ABCC2: variants seen among roughly 807,000 people sequenced by gnomAD.
ABCC2 encodes the protein ATP-binding cassette sub-family C member 2.
Under a neutral mutation model 173.4 loss-of-function variants are expected in ABCC2, and 157 were observed. The observed-to-expected ratio is 0.91, with a 90% confidence interval of 0.80 to 1.03. The LOEUF is 1.03. Ranked by LOEUF, ABCC2 falls within the 50% of genes least tolerant of loss-of-function variation. The pLI is 0.00. For synonymous variants in ABCC2, 657 were observed against 693.5 expected (o/e 0.95, Z 0.83); for missense variants, 1,822 against 1,852.3 (o/e 0.98, Z 0.30).
intron 7 of ABCC2, chr10:99,797,883 A>G (rs944502313): frequency 5.8e-6 from 1 of 171,086 alleles, no homozygotes; most frequent in Non-Finnish European, 1.3e-5. Context: ...CAGACACTCA[A>G]ATGATGAGAT....
Position 99,845,800 on chromosome 10 carries a change from C to A in ABCC2, c.4146+18C>A, listed in dbSNP as rs765904512. 1 of 1,604,508 alleles carries A rather than the reference C, an allele frequency of 6.2e-7. No individual in the cohort carries two copies. The highest frequency in any genetic ancestry group is 1.7e-5 in the Admixed American group (1 of 58,496). On this transcript the variant is annotated intron_variant, in intron 29 of 31. Coordinates refer to ENST00000647814, the MANE Select transcript of ABCC2 (RefSeq NM_000392.5). ...TCCCCCAGGTGAGCTCTAGAACTTA[C>A]TCGGGCACATGCCGTGGGGAGCAGC... is the stretch of plus-strand genomic sequence containing the variant.
intron 14 of ABCC2, among the ~76,000 whole-genome samples, chr10:99,810,562 G>T (rs1269252828): frequency 2.6e-5 from 4 of 152,192 alleles, no homozygotes. Context: ...AAAGATTGGG[G>T]GCCAGCCATG....
At position 99,830,766 on chromosome 10, in the gene ABCC2, C is replaced by T. The variant is rs752566519; in HGVS notation, c.2798C>T (p.Thr933Ile). The T allele has an allele frequency of 9.3e-6, 15 of 1,613,966 alleles. No homozygotes were observed. The East Asian group carries it at 1.1e-4, about 12-fold the overall frequency. Residue 933 changes from threonine (T) to isoleucine (I), a missense_variant, in exon 21 of 32, where the codon ACT (threonine) becomes ATT (isoleucine). Thr to Ile is a moderately conservative substitution (Grantham distance 89). Transcript: ENST00000647814. ...HLKSLRNSLKTRNVNSLKEDE... is the reference protein window; with the variant it reads ...HLKSLRNSLKIRNVNSLKEDE... The stretch of plus-strand genomic sequence containing the variant: ...AAGTCCCTGAGAAACTCCTTGAAAA[C>T]TCGGAATGTGAATAGCCTGAAGGAA...
At chr10:99,804,707 C>G (rs2038070747) in intron 10 of ABCC2, among the ~76,000 whole-genome samples, 1 of 152,174 alleles carries the variant, frequency 6.6e-6, no homozygotes, top group Non-Finnish European at 1.5e-5. Context: ...TCCGTGTGGA[C>G]AGTGTCCTCA....
intron 16 of ABCC2, 132 bp from the exon 17 acceptor site, chr10:99,817,176 C>A (rs546377291): frequency 2.5e-6 from 2 of 795,672 alleles, no homozygotes; most frequent in East Asian, 5.3e-5. Flanking sequence ...CATATCAGAT[C>A]CTCAGTCATC....
At chr10:99,825,830 C>T (rs2133098660) in intron 19 of ABCC2, among the ~76,000 whole-genome samples, 1 of 152,296 alleles carries the variant, frequency 6.6e-6, no homozygotes, top group East Asian at 1.9e-4. Context: ...TGCTGCACTG[C>T]CGCTCGTGGC....
At chr10:99,841,511 C>T (rs1285168357) in intron 25 of ABCC2, among the ~76,000 whole-genome samples, 3 of 152,206 alleles carry the variant, frequency 2.0e-5, no homozygotes, top group South Asian at 2.1e-4. Flanking sequence ...GCCATGATCA[C>T]GCCACTGCAC....
At chr10:99,794,152 G>GT (rs2037856200) in intron 5 of ABCC2, among the ~76,000 whole-genome samples, 153 bp downstream of exon 5, 2 of 152,088 alleles carry the variant, frequency 1.3e-5, no homozygotes, top group Non-Finnish European at 2.9e-5. Flanking sequence ...ATAGTGATGA[G>GT]AGTAAAATAC....
chr10:99,836,478 C>T (rs1357527945), intron 25 of ABCC2, among the ~76,000 whole-genome samples, 188 bp downstream of exon 25: 1 of 152,202 alleles, frequency 6.6e-6, no homozygotes, highest in Non-Finnish European at 1.5e-5. Flanking sequence ...CATGACAGCT[C>T]TGCCGTTTAC....
chr10:99,812,942 A>T (rs1200817405), intron 15 of ABCC2, 76 bp from the exon 16 acceptor site: 1 of 1,574,212 alleles, frequency 6.4e-7, no homozygotes, highest in African/African-American at 1.4e-5. Flanking sequence ...CTTCATGGAG[A>T]CTCAGAGAAG....
intron 8 of ABCC2, 89 bp from the exon 9 acceptor site, chr10:99,800,297 A>G: frequency 7.3e-7 from 1 of 1,375,858 alleles, no homozygotes; most frequent in Non-Finnish European, 1.0e-6. Flanking sequence ...CTACAGTGTA[A>G]AGATAGTGTA....
intron 9 of ABCC2, 26 bp from the exon 10 acceptor site, chr10:99,803,993 G>A (rs370083905): frequency 4.3e-6 from 7 of 1,613,910 alleles, no homozygotes; most frequent in Admixed American, 1.7e-5. Flanking sequence ...TTGTCCATGG[G>A]TCCTAATTTC....
intron 27 of ABCC2, 133 bp downstream of exon 27, chr10:99,844,033 C>G: frequency 1.2e-6 from 1 of 858,410 alleles, no homozygotes; most frequent in Non-Finnish European, 2.0e-6. Context: ...TCCTCTAACT[C>G]AAAGGACCTA....
At chr10:99,834,691 C>T (rs1188432813) in intron 24 of ABCC2, among the ~76,000 whole-genome samples, 156 bp downstream of exon 24, 1 of 152,222 alleles carries the variant, frequency 6.6e-6, no homozygotes, top group Non-Finnish European at 1.5e-5. Flanking sequence ...CCCAGGAGCC[C>T]ACAGGCCACT....
Position 99,836,220 on chromosome 10 carries a change from T to C in ABCC2, c.3544T>C (p.Phe1182Leu), listed in dbSNP as rs761847168. ...CCGTGCCTTTGAGCACCAGCAGCGATTTCTGAAACACAATGAGGTGAGGAT... is the reference window on the plus strand; with the variant it reads ...CCGTGCCTTTGAGCACCAGCAGCGACTTCTGAAACACAATGAGGTGAGGAT... ...VIRAFEHQQRFLKHNEVRIDT... is the reference protein window; with the variant it reads ...VIRAFEHQQRLLKHNEVRIDT... The change falls in exon 25 of 32, where the codon TTT becomes CTT. Residue 1182 changes from phenylalanine to leucine, a missense_variant. Transcript: ENST00000647814. 25 of 1,614,208 alleles carry C rather than the reference T, an allele frequency of 1.5e-5. 1 individual carries two copies. In the South Asian group the frequency reaches 2.3e-4, roughly 15 times the overall value.
In ABCC2 at chr10:99,852,193, A is replaced by G. The variant is rs1323472386; in HGVS notation, c.*562A>G. ...AAAATTATAAGCAGTACTACTATGGACATTCTGGTCTACATCTCCTGGCAC... is the reference window on the plus strand; with the variant it reads ...AAAATTATAAGCAGTACTACTATGGGCATTCTGGTCTACATCTCCTGGCAC... On this transcript the variant is annotated 3_prime_UTR_variant, in exon 32 of 32. Coordinates refer to ENST00000647814, the MANE Select transcript of ABCC2 (RefSeq NM_000392.5). The G allele has an allele frequency of 6.5e-6, 1 of 154,566 alleles. No individual in the cohort carries two copies. Among genetic ancestry groups the G allele is most frequent in the Non-Finnish European group, 1.4e-5 (1 of 69,750 alleles). The allele number at this position is 154,566 out of a possible 1,614,324, so 9.6% of individuals were successfully genotyped here.
In ABCC2 at chr10:99,794,515, T is replaced by A. The variant is rs1185498899; in HGVS notation, c.632+47T>A. On this transcript the variant is annotated intron_variant, in intron 6 of 31. Transcript: ENST00000647814. ...ATTGGCTGTATCCTTACTCTCTCAC[T>A]CCTCTGAAAGTGTCAGAAAGATTTT... The A allele has an allele frequency of 9.2e-6, 14 of 1,526,094 alleles. No individual in the cohort carries two copies. The African/African-American group carries it at 1.6e-4, about 18-fold the overall frequency. The allele number at this position is 1,526,094 out of a possible 1,614,324, so 94.5% of individuals were successfully genotyped here. A position where few individuals can be genotyped will look rare whatever the true frequency, so the allele number is the denominator to read the frequency against.
intron 30 of ABCC2, among the ~76,000 whole-genome samples, chr10:99,848,654 C>T (rs755651951): frequency 2.8e-4 from 42 of 152,190 alleles, no homozygotes; most frequent in Non-Finnish European, 5.1e-4. Context: ...GATTTGTGTG[C>T]ACATTACACT....
Position 99,845,757 on chromosome 10 carries a change from G to C in ABCC2, c.4121G>C (p.Arg1374Pro). The change falls in exon 29 of 32, where the codon CGA (arginine) becomes CCA (proline). Residue 1374 changes from arginine (R) to proline (P), a missense_variant. Physicochemically the swap from Arg to Pro is moderately radical, Grantham distance 103. Coordinates refer to ENST00000647814, the MANE Select transcript of ABCC2 (RefSeq NM_000392.5). ...GCTTCCATTGGGCTCCACGACCTCCGAGAGAAGCTGACCATCATCCCCCAG... is the reference window on the plus strand; with the variant it reads ...GCTTCCATTGGGCTCCACGACCTCCCAGAGAAGCTGACCATCATCCCCCAG... The part of the protein sequence containing the change: ...DIASIGLHDL[R>P]EKLTIIPQDP... 1 of 1,612,744 alleles carries C rather than the reference G, an allele frequency of 6.2e-7. No homozygotes were observed. Among genetic ancestry groups the C allele is most frequent in the Non-Finnish European group, 8.5e-7 (1 of 1,179,690 alleles).
Sources: allele counts gnomAD v4.1 joint callset (sites outside exome capture counted in the v4.1 genomes callset), GRCh38; gene constraint gnomAD v4.1.1; transcripts MANE v1.5; gene names NCBI Gene and HGNC (gene_info 2026-07-23, HGNC 2026-07-21).